The following AP3M1 variants were observed in gnomAD, a reference collection of about 807,000 sequenced individuals.
AP3M1 encodes adaptor related protein complex 3 subunit mu 1.
AP3M1 carries 29 observed loss-of-function variants against 42.6 expected under a neutral mutation model. The ratio of observed to expected loss-of-function variants is 0.68; its 90% CI spans 0.51 to 0.93. The LOEUF is 0.93. AP3M1 is among the 40% of genes least tolerant of loss of function. The pLI, the probability that AP3M1 is intolerant of heterozygous loss-of-function variation, is 0.00. For missense variants in AP3M1, 416 were observed against 510.2 expected (o/e 0.82, Z 1.78); for synonymous variants, 178 against 175.3 (o/e 1.02, Z -0.12).
Position 74,137,276 on chromosome 10 carries a change from C to CA in AP3M1, c.274-474dup, listed in dbSNP as rs1450410283. The stretch of plus-strand genomic sequence containing the variant: ...AACAAAACAAAACAAAACAAGCAAA[C>CA]AAAAAAAACCCCTCTATAGTCCTAA... On this transcript the variant is annotated intron_variant, in intron 2 of 8. Transcript: ENST00000355264. Among the ~76,000 whole-genome samples the CA allele has an allele frequency of 1.3e-4, 18 of 140,896 alleles. No homozygotes were observed. In the South Asian group the frequency reaches 1.3e-3, roughly 10 times the overall value. 92.4% of individuals were successfully genotyped at this position (140,896 alleles called of 152,430 possible). A position where few individuals can be genotyped will look rare whatever the true frequency, so the allele number is the denominator to read the frequency against.
chr10:74,131,297 A>G (rs915624477), intron 4 of AP3M1, among the ~76,000 whole-genome samples: 1 of 151,532 alleles, frequency 6.6e-6, no homozygotes, highest in Non-Finnish European at 1.5e-5. Flanking sequence ...TCTCTCGAGT[A>G]GCTGGGACTA....
intron 2 of AP3M1, among the ~76,000 whole-genome samples, 175 bp downstream of exon 2, chr10:74,137,932 T>C (rs1183760877): frequency 6.6e-6 from 1 of 152,132 alleles, no homozygotes; most frequent in East Asian, 1.9e-4. Flanking sequence ...AAATAGTGAA[T>C]AGAGCAGCCA....
At chr10:74,129,801 C>A in intron 5 of AP3M1, 106 bp downstream of exon 5, 2 of 792,658 alleles carry the variant, frequency 2.5e-6, no homozygotes, top group East Asian at 2.5e-5. Context: ...CTGAGATAAT[C>A]CTTTGCAATC....
At position 74,123,712 on chromosome 10, in the gene AP3M1, T is replaced by G; in HGVS notation, c.*98A>C. The G allele has an allele frequency of 1.1e-6, 1 of 904,644 alleles. No homozygotes were observed. Among genetic ancestry groups the G allele is most frequent in the Admixed American group, 1.9e-5 (1 of 53,040 alleles). 56.0% of individuals were successfully genotyped at this position (904,644 alleles called of 1,614,324 possible). A position where few individuals can be genotyped will look rare whatever the true frequency, so the allele number is the denominator to read the frequency against. On this transcript the variant is annotated 3_prime_UTR_variant, in exon 9 of 9. Coordinates refer to ENST00000355264, the MANE Select transcript of AP3M1 (RefSeq NM_012095.6). ...GGTGTGTAGCTAGACACAAATGCTT[T>G]AACTAGAATATGTATTCCCACTCAC...
chr10:74,137,025 A>T (rs1050150636), intron 2 of AP3M1, among the ~76,000 whole-genome samples: 8 of 152,168 alleles, frequency 5.3e-5, no homozygotes, highest in Non-Finnish European at 1.0e-4. Flanking sequence ...GCATCACTTG[A>T]GGTCAGGAAT....
In AP3M1 at chr10:74,131,413, C is replaced by T. The variant is rs193182999; in HGVS notation, c.584-1421G>A. 3.5e-4 allele frequency among the ~76,000 whole-genome samples: 53 copies of T among 152,100 alleles called. 1 individual carries two copies. The highest frequency in any genetic ancestry group is 1.2e-3 in the African/African-American group (50 of 41,510). On this transcript the variant is annotated intron_variant, in intron 4 of 8. Coordinates refer to ENST00000355264, the MANE Select transcript of AP3M1 (RefSeq NM_012095.6). Reference sequence around the variant, plus strand: ...GGATCTCCTAACCTCGTGATCCACCCGCCTCAGCCTCCTAAAGTGCTGGGA... The same window carrying T: ...GGATCTCCTAACCTCGTGATCCACCTGCCTCAGCCTCCTAAAGTGCTGGGA...
At chr10:74,127,971 A>G (rs914261567) in intron 6 of AP3M1, among the ~76,000 whole-genome samples, 1 of 145,658 alleles carries the variant, frequency 6.9e-6, no homozygotes, top group East Asian at 2.2e-4. Flanking sequence ...GTGGTGGTGC[A>G]TGCCTGTAAT....
intron 2 of AP3M1, among the ~76,000 whole-genome samples, chr10:74,137,719 C>G (rs1840989307): frequency 1.3e-5 from 2 of 152,208 alleles, no homozygotes; most frequent in Non-Finnish European, 2.9e-5. Context: ...TAAATCACCT[C>G]TAGATTACTT....
At chr10:74,133,172 A>T (rs1419802946) in intron 4 of AP3M1, among the ~76,000 whole-genome samples, 2 of 152,174 alleles carry the variant, frequency 1.3e-5, no homozygotes, top group Non-Finnish European at 2.9e-5. Context: ...AAACGGGCAG[A>T]TCACCTAAGT....
intron 4 of AP3M1, 30 bp from the exon 5 acceptor site, chr10:74,130,022 C>A (rs756148176): frequency 7.1e-5 from 99 of 1,403,788 alleles, no homozygotes; most frequent in Non-Finnish European, 9.5e-5. Context: ...AGGAAGATAA[C>A]ATCAATGGAA....
chr10:74,135,320 G>A (rs1210181508), intron 3 of AP3M1, among the ~76,000 whole-genome samples: 1 of 152,172 alleles, frequency 6.6e-6, no homozygotes, highest in African/African-American at 2.4e-5. Context: ...CCACCATGGA[G>A]AATGCTCTTA....
intron 4 of AP3M1, among the ~76,000 whole-genome samples, chr10:74,133,696 C>A (rs1468592674): frequency 6.7e-6 from 1 of 149,692 alleles, no homozygotes; most frequent in African/African-American, 2.5e-5. Context: ...TGAGACAGAG[C>A]CAGGCTGGAG....
chr10:74,129,370 A>G, intron 5 of AP3M1, 129 bp from the exon 6 acceptor site: 1 of 790,598 alleles, frequency 1.3e-6, no homozygotes, highest in Non-Finnish European at 1.9e-6. Flanking sequence ...CATCTACACA[A>G]CCTTATAGTT....
chr10:74,137,468 G>A (rs768533122), intron 2 of AP3M1, among the ~76,000 whole-genome samples: 5 of 144,974 alleles, frequency 3.4e-5, no homozygotes, highest in Non-Finnish European at 3.0e-5. Flanking sequence ...GGTATATTCC[G>A]CAAGACAAAA....
At chr10:74,144,023 G>A (rs138834153) in intron 1 of AP3M1, among the ~76,000 whole-genome samples, 1,945 of 152,120 alleles carry the variant, frequency 0.013, 47 homozygotes, top group African/African-American at 0.044. Context: ...GCGCAATGGC[G>A]TGATCTCTGC....
intron 1 of AP3M1, among the ~76,000 whole-genome samples, chr10:74,145,556 C>A (rs994163903): frequency 1.1e-4 from 16 of 152,138 alleles, no homozygotes; most frequent in African/African-American, 3.9e-4. Context: ...TATTTATCGT[C>A]CTTTTGGTAG....
chr10:74,138,000 G>A, intron 2 of AP3M1, 107 bp downstream of exon 2: 1 of 1,181,662 alleles, frequency 8.5e-7, no homozygotes, highest in Non-Finnish European at 1.2e-6. Context: ...TAAACAGAGA[G>A]AGACAGACAG....
At chr10:74,125,002 CAG>C (rs1384965226) in intron 7 of AP3M1, among the ~76,000 whole-genome samples, 3 of 151,754 alleles carry the variant, frequency 2.0e-5, no homozygotes, top group Non-Finnish European at 4.4e-5. Context: ...TTTTTTGAGA[CAG>C]AGTTTCACTC....
intron 1 of AP3M1, among the ~76,000 whole-genome samples, chr10:74,139,839 G>A (rs1360650349): frequency 2.0e-5 from 3 of 150,948 alleles, no homozygotes; most frequent in Admixed American, 6.6e-5. Context: ...CCCGGGAGGC[G>A]GAGGTTGCAG....
Sources: allele counts gnomAD v4.1 joint callset (sites outside exome capture counted in the v4.1 genomes callset), GRCh38; gene constraint gnomAD v4.1.1; transcripts MANE v1.5; gene names NCBI Gene and HGNC (gene_info 2026-07-23, HGNC 2026-07-21).